The following ACVR1C variants were observed in gnomAD, a reference collection of about 807,000 sequenced individuals.
The protein encoded by ACVR1C is activin A receptor type 1C.
Under a neutral mutation model 57.9 loss-of-function variants are expected in ACVR1C, and 23 were observed. The observed-to-expected ratio is 0.40, with a 90% CI of 0.29 to 0.56. ACVR1C has a LOEUF of 0.56. Among genes scored for constraint, ACVR1C ranks in the 20% least tolerant of loss-of-function variants. ACVR1C has a pLI of 0.50. For missense variants in ACVR1C, 480 were observed against 607.9 expected (o/e 0.79, Z 2.21); for synonymous variants, 214 against 215.3 (o/e 0.99, Z 0.05).
chr2:157,605,082 T>G (rs1046400179), intron 1 of ACVR1C, among the ~76,000 whole-genome samples: 3 of 151,822 alleles, frequency 2.0e-5, no homozygotes, highest in African/African-American at 7.2e-5. Flanking sequence ...GCAAGAGATT[T>G]TGATGTTCTT....
chr2:157,596,626 A>G (rs1682125087), intron 1 of ACVR1C, among the ~76,000 whole-genome samples: 3 of 152,218 alleles, frequency 2.0e-5, no homozygotes, highest in Non-Finnish European at 4.4e-5. Flanking sequence ...TAAATAGTCA[A>G]TATTTTCTTC....
chr2:157,552,334 T>A (rs947413621), intron 3 of ACVR1C, among the ~76,000 whole-genome samples: 1 of 152,182 alleles, frequency 6.6e-6, no homozygotes, highest in Non-Finnish European at 1.5e-5. Context: ...GGTTTCACCA[T>A]GTTGGCCAGG....
chr2:157,586,436 T>C (rs1188660919), intron 2 of ACVR1C, among the ~76,000 whole-genome samples: 1 of 152,094 alleles, frequency 6.6e-6, no homozygotes, highest in Non-Finnish European at 1.5e-5. Context: ...TTGATAATCA[T>C]TAAATTATTG....
At chr2:157,584,010 T>A (rs1254661965) in intron 2 of ACVR1C, among the ~76,000 whole-genome samples, 2 of 151,986 alleles carry the variant, frequency 1.3e-5, no homozygotes, top group East Asian at 1.9e-4. Context: ...AAAAGATAAA[T>A]CAGACTTCAT....
At position 157,545,690 on chromosome 2, in the gene ACVR1C, T is replaced by C. The variant is rs189455400; in HGVS notation, c.776-1078A>G. On this transcript the variant is annotated intron_variant, in intron 4 of 8. Transcript: ENST00000243349. ...AAAAAGCCACTGACAAGTTAAGAGA[T>C]GATAGAGGTAGACCAGTTAAACTCA... Among the ~76,000 whole-genome samples the C allele has an allele frequency of 8.5e-5, 13 of 152,284 alleles. No individual in the cohort carries two copies. In the East Asian group the frequency reaches 2.1e-3, roughly 25 times the overall value.
intron 1 of ACVR1C, among the ~76,000 whole-genome samples, chr2:157,619,438 T>C (rs965915497): frequency 1.4e-4 from 22 of 151,970 alleles, no homozygotes; most frequent in Non-Finnish European, 2.8e-4. Context: ...AATATGTATA[T>C]TAGAAGAGAA....
At chr2:157,588,386 T>C (rs1426979825) in intron 1 of ACVR1C, among the ~76,000 whole-genome samples, 1 of 152,000 alleles carries the variant, frequency 6.6e-6, no homozygotes, top group Non-Finnish European at 1.5e-5. Flanking sequence ...CATTTAAATA[T>C]ATTGTTTCTA....
intron 1 of ACVR1C, among the ~76,000 whole-genome samples, chr2:157,592,458 A>G (rs1366605924): frequency 6.6e-6 from 1 of 152,102 alleles, no homozygotes; most frequent in Admixed American, 6.6e-5. Flanking sequence ...TAAATCTTGC[A>G]CGATGAAAAA....
chr2:157,554,261 A>AAGAAAGAAAG, intron 3 of ACVR1C, among the ~76,000 whole-genome samples: 1 of 139,422 alleles, frequency 7.2e-6, no homozygotes, highest in South Asian at 2.2e-4. Context: ...GAAAGAAAGA[A>AAGAAAGAAAG]AGAAAGAAAG....
intron 1 of ACVR1C, among the ~76,000 whole-genome samples, chr2:157,592,293 G>C (rs773251244): frequency 1.3e-5 from 2 of 152,048 alleles, no homozygotes; most frequent in East Asian, 3.8e-4. Flanking sequence ...TTATAAAAAT[G>C]ATTACATAAT....
At chr2:157,582,138 T>C (rs998640854) in intron 2 of ACVR1C, among the ~76,000 whole-genome samples, 1 of 152,166 alleles carries the variant, frequency 6.6e-6, no homozygotes, top group African/African-American at 2.4e-5. Flanking sequence ...TGCAACATTG[T>C]AGGACCCCAT....
In ACVR1C at chr2:157,541,152, C is replaced by T. The variant is rs1256158784; in HGVS notation, c.1163G>A (p.Arg388Gln). 6 of 1,613,966 alleles carry T rather than the reference C, an allele frequency of 3.7e-6. No homozygotes were observed. Among genetic ancestry groups the T allele is most frequent in the African/African-American group, 1.3e-5 (1 of 75,008 alleles). ...CAGACCAACAGAATAGATGTCAGCT[C>T]GTTTGAAGGACTCAAAGATATTCAC... is the stretch of plus-strand genomic sequence containing the variant. ...MNVNIFESFK[R>Q]ADIYSVGLVY... The change falls in exon 7 of 9, where the codon CGA (arginine) becomes CAA (glutamine). Residue 388 changes from arginine to glutamine, a missense_variant. Physicochemically the swap from Arg to Gln is conservative, Grantham distance 43. Coordinates refer to ENST00000243349, the MANE Select transcript of ACVR1C (RefSeq NM_145259.3).
intron 1 of ACVR1C, among the ~76,000 whole-genome samples, chr2:157,625,563 T>A (rs1352821247): frequency 8.1e-6 from 1 of 123,164 alleles, no homozygotes. Context: ...AAACTCTTAG[T>A]GGAAACTGCT....
At chr2:157,582,914 C>T (rs1194346325) in intron 2 of ACVR1C, among the ~76,000 whole-genome samples, 1 of 152,192 alleles carries the variant, frequency 6.6e-6, no homozygotes, top group Non-Finnish European at 1.5e-5. Context: ...GTGTCTCACT[C>T]TGTCACCCAG....
At chr2:157,543,160 T>C (rs1217687957) in intron 5 of ACVR1C, among the ~76,000 whole-genome samples, 1 of 152,238 alleles carries the variant, frequency 6.6e-6, no homozygotes, top group Non-Finnish European at 1.5e-5. Flanking sequence ...AAAGAATTAG[T>C]ACTGCTATGT....
At chr2:157,599,568 A>G (rs889700054) in intron 1 of ACVR1C, among the ~76,000 whole-genome samples, 1 of 152,114 alleles carries the variant, frequency 6.6e-6, no homozygotes, top group Non-Finnish European at 1.5e-5. Context: ...ACTGTATTTG[A>G]TCAGCCTGCA....
At chr2:157,594,619 T>C (rs1217362256) in intron 1 of ACVR1C, among the ~76,000 whole-genome samples, 1 of 152,100 alleles carries the variant, frequency 6.6e-6, no homozygotes, top group Non-Finnish European at 1.5e-5. Context: ...TTGGGGGCGA[T>C]GGGGGAAAAG....
intron 8 of ACVR1C, among the ~76,000 whole-genome samples, chr2:157,537,132 T>C (rs1687508916): frequency 6.6e-6 from 1 of 152,036 alleles, no homozygotes; most frequent in Non-Finnish European, 1.5e-5. Context: ...GTTTCACAAA[T>C]ATGCAAAAGT....
At position 157,531,954 on chromosome 2, in the gene ACVR1C, G is replaced by A. The variant is rs1687358375; in HGVS notation, c.*1964C>T. The stretch of plus-strand genomic sequence containing the variant: ...CAAATTAGACTTTAAAATCCCTGAG[G>A]GCAGGACCTATCTATCTTTGTATTC... On this transcript the variant is annotated 3_prime_UTR_variant, in exon 9 of 9. Coordinates refer to ENST00000243349, the MANE Select transcript of ACVR1C (RefSeq NM_145259.3). The A allele has an allele frequency of 6.6e-6, 1 of 151,984 alleles. No individual in the cohort carries two copies. Among genetic ancestry groups the A allele is most frequent in the Non-Finnish European group, 1.5e-5 (1 of 67,972 alleles). 9.4% of individuals were successfully genotyped at this position (151,984 alleles called of 1,614,324 possible). A position where few individuals can be genotyped will look rare whatever the true frequency, so the allele number is the denominator to read the frequency against.
Sources: gnomAD v4.1 joint callset for allele counts (sites outside exome capture counted in the v4.1 genomes callset) on GRCh38, gnomAD v4.1.1 for gene constraint, MANE v1.5 for transcripts, NCBI Gene and HGNC (gene_info 2026-07-23, HGNC 2026-07-21) for gene names.